ZDHHC17: variants seen among roughly 807,000 people sequenced by gnomAD.
ZDHHC17 encodes palmitoyltransferase ZDHHC17.
Under a neutral mutation model 90.3 loss-of-function variants are expected in ZDHHC17, and 40 were observed. That is an observed-to-expected ratio of 0.44 (90% CI 0.34 to 0.58). ZDHHC17 has a LOEUF of 0.58. Among genes scored for constraint, ZDHHC17 ranks in the 20% least tolerant of loss-of-function variants. The pLI, the probability that ZDHHC17 is intolerant of heterozygous loss-of-function variation, is 0.01. For synonymous variants in ZDHHC17, 235 were observed against 252.4 expected (o/e 0.93, Z 0.65); for missense variants, 614 against 780.8 (o/e 0.79, Z 2.55).
chr12:76,800,537 C>G (rs1023876915), intron 2 of ZDHHC17, among the ~76,000 whole-genome samples: 3 of 152,110 alleles, frequency 2.0e-5, no homozygotes, highest in East Asian at 1.9e-4. Flanking sequence ...GTTAAATGTT[C>G]AATGCTTTTA....
chr12:76,821,591 A>C (rs1199302320), intron 7 of ZDHHC17, among the ~76,000 whole-genome samples: 7 of 152,112 alleles, frequency 4.6e-5, no homozygotes, highest in Admixed American at 4.6e-4. Flanking sequence ...TAAGCATTTA[A>C]AGTTTTGCTT....
In ZDHHC17 at chr12:76,840,235, T is replaced by C. The variant is rs1025711046; in HGVS notation, c.1142-1747T>C. The C allele has an allele frequency of 2.6e-5, 4 of 152,280 alleles. 1 individual carries two copies. The highest frequency in any genetic ancestry group is 6.8e-3 in the Middle Eastern group (2 of 294). 9.4% of individuals were successfully genotyped at this position (152,280 alleles called of 1,614,324 possible). A position where few individuals can be genotyped will look rare whatever the true frequency, so the allele number is the denominator to read the frequency against. The stretch of plus-strand genomic sequence containing the variant: ...AGTTTAATTCTGGGTTGTAGAGTTC[T>C]TGTTTCTGTCTTTATGCTTTTTTTA... On this transcript the variant is annotated intron_variant, in intron 10 of 16. Coordinates refer to ENST00000426126, the MANE Select transcript of ZDHHC17 (RefSeq NM_015336.4).
At chr12:76,777,790 A>G (rs1952575301) in intron 1 of ZDHHC17, among the ~76,000 whole-genome samples, 1 of 152,200 alleles carries the variant, frequency 6.6e-6, no homozygotes. Context: ...TCACTCTAGG[A>G]GAGCCCTAGC....
At chr12:76,801,077 G>A (rs1592474218) in intron 2 of ZDHHC17, among the ~76,000 whole-genome samples, 1 of 150,836 alleles carries the variant, frequency 6.6e-6, no homozygotes, top group Admixed American at 6.6e-5. Flanking sequence ...TAGTAGAGAC[G>A]GGGTTTCACC....
chr12:76,810,690 G>A (rs998909611), intron 5 of ZDHHC17, among the ~76,000 whole-genome samples: 2 of 125,042 alleles, frequency 1.6e-5, no homozygotes, highest in African/African-American at 5.9e-5. Context: ...GACTGATAAA[G>A]TTAATTGCTG....
intron 3 of ZDHHC17, among the ~76,000 whole-genome samples, chr12:76,806,847 G>C (rs1175517857): frequency 1.3e-5 from 2 of 152,222 alleles, no homozygotes; most frequent in East Asian, 3.8e-4. Context: ...TGAACTACTT[G>C]CTATGTTAAG....
intron 4 of ZDHHC17, 80 bp downstream of exon 4, chr12:76,809,200 T>G: frequency 1.1e-6 from 1 of 924,496 alleles, no homozygotes; most frequent in East Asian, 3.2e-5. Context: ...AATGATATAC[T>G]AAAATGAATA....
intron 1 of ZDHHC17, chr12:76,769,107 G>A (rs1382020798): frequency 9.5e-6 from 4 of 422,648 alleles, no homozygotes; most frequent in African/African-American, 4.1e-5. Context: ...TGCCCAGGCT[G>A]AAGTGCAATG....
Position 76,850,941 on chromosome 12 carries a change from A to G in ZDHHC17, c.1855A>G (p.Ile619Val). 1 of 1,613,924 alleles carries G rather than the reference A, an allele frequency of 6.2e-7. No individual in the cohort carries two copies. The highest frequency in any genetic ancestry group is 8.5e-7 in the Non-Finnish European group (1 of 1,179,868). ...CGTGGACTGGACCAGGCAGTATACA[A>G]TAGAATATGACCAAATATCAGGATC... is the stretch of plus-strand genomic sequence containing the variant. ...VIVDWTRQYT[I>V]EYDQISGSGY... The change falls in exon 17 of 17, where the codon ATA becomes GTA. Residue 619 changes from isoleucine to valine, a missense_variant. Physicochemically the swap from Ile to Val is conservative, Grantham distance 29. This residue lies in a region of ZDHHC17 where 28 missense variants were observed against 20.0 expected (regional missense o/e 1.40). Coordinates refer to ENST00000426126, the MANE Select transcript of ZDHHC17 (RefSeq NM_015336.4).
chr12:76,850,815 G>A, intron 16 of ZDHHC17, 32 bp from the exon 17 acceptor site: 3 of 1,607,390 alleles, frequency 1.9e-6, no homozygotes, highest in South Asian at 2.2e-5. Context: ...TGTACTGACT[G>A]ACGTGTTTTC....
chr12:76,835,949 GTA>G (rs906873311), intron 10 of ZDHHC17, among the ~76,000 whole-genome samples: 6 of 151,368 alleles, frequency 4.0e-5, no homozygotes, highest in African/African-American at 1.2e-4. Context: ...TGTGAATTGT[GTA>G]TGTTTTTTTC....
intron 10 of ZDHHC17, among the ~76,000 whole-genome samples, chr12:76,835,929 T>C (rs930332641): frequency 6.6e-6 from 1 of 151,946 alleles, no homozygotes; most frequent in African/African-American, 2.4e-5. Context: ...CCCCCTTTTT[T>C]TTAACTTTTT....
chr12:76,770,926 CAAAAAAA>C (rs34292734), intron 1 of ZDHHC17, among the ~76,000 whole-genome samples: 1 of 76,194 alleles, frequency 1.3e-5, no homozygotes, highest in Non-Finnish European at 2.5e-5. Context: ...AACTCCATCT[CAAAAAAA>C]AAAAAAAAAA....
intron 1 of ZDHHC17, among the ~76,000 whole-genome samples, chr12:76,766,556 C>T (rs1216900264): frequency 6.6e-6 from 1 of 152,130 alleles, no homozygotes; most frequent in Non-Finnish European, 1.5e-5. Flanking sequence ...TGGGAAGAAA[C>T]CCATTCTCTG....
chr12:76,805,191 T>C (rs1464104297), intron 2 of ZDHHC17, 126 bp from the exon 3 acceptor site: 2 of 928,140 alleles, frequency 2.2e-6, no homozygotes, highest in South Asian at 1.7e-5. Context: ...AGTAATATTC[T>C]ATGTTGAGAA....
chr12:76,780,714 T>C (rs1952612648), intron 1 of ZDHHC17, among the ~76,000 whole-genome samples: 1 of 152,224 alleles, frequency 6.6e-6, no homozygotes, highest in Admixed American at 6.5e-5. Flanking sequence ...TCTTCCTGAC[T>C]TTTCAATAGC....
At chr12:76,842,860 C>CA (rs1565807250) in intron 11 of ZDHHC17, 59 bp from the exon 12 acceptor site, 2 of 1,274,274 alleles carry the variant, frequency 1.6e-6, no homozygotes, top group Admixed American at 4.2e-5. Context: ...ATAGTGGTGG[C>CA]AAAAGAGTTG....
At chr12:76,804,839 G>T (rs934599674) in intron 2 of ZDHHC17, among the ~76,000 whole-genome samples, 1 of 152,098 alleles carries the variant, frequency 6.6e-6, no homozygotes, top group Non-Finnish European at 1.5e-5. Context: ...TCTCACTTTC[G>T]CCTTTCCTCG....
chr12:76,789,415 A>G (rs1182846546), intron 1 of ZDHHC17, among the ~76,000 whole-genome samples: 1 of 152,222 alleles, frequency 6.6e-6, no homozygotes, highest in Non-Finnish European at 1.5e-5. Flanking sequence ...AGGAAAGCCT[A>G]AAATACACAA....
Sources: gnomAD v4.1 joint callset for allele counts (sites outside exome capture counted in the v4.1 genomes callset) on GRCh38, gnomAD v4.1.1 for gene constraint, gnomAD v4.1.1 regional missense constraint, MANE v1.5 for transcripts, NCBI Gene and HGNC (gene_info 2026-07-23, HGNC 2026-07-21) for gene names.